The following FXN variants were observed in gnomAD, a reference collection of about 807,000 sequenced individuals.
FXN encodes frataxin, also known as frataxin, mitochondrial.
A neutral mutation model predicts 22.4 loss-of-function variants in FXN; 14 were observed. That is an observed-to-expected ratio of 0.62 (90% confidence interval 0.41 to 0.98). The LOEUF is 0.98. FXN is among the 50% of genes least tolerant of loss of function. The probability of loss-of-function intolerance (pLI) is 0.00; values close to 1 mark genes in which losing one functional copy is unlikely to be tolerated. For synonymous variants in FXN, 120 were observed against 114.1 expected (o/e 1.05, Z -0.33); for missense variants, 267 against 268.4 (o/e 0.99, Z 0.04).
At chr9:69,071,840 C>T (rs756843121) in intron 4 of FXN, among the ~76,000 whole-genome samples, 2 of 151,988 alleles carry the variant, frequency 1.3e-5, no homozygotes, top group Non-Finnish European at 2.9e-5. Context: ...TTCAACCAAC[C>T]GTGGATCAAA....
In FXN at chr9:69,074,662, G is replaced by A. The variant is rs949476432; in HGVS notation, c.*1900G>A. ...TACCTATAGTCCCAGCTGCACAGGA[G>A]GCTGAGACAGGAGGATTGCTTGAAG... On this transcript the variant is annotated 3_prime_UTR_variant, in exon 5 of 5. Transcript: ENST00000484259. 19 of 981,838 alleles carry A rather than the reference G, an allele frequency of 1.9e-5. No homozygotes were observed. Among genetic ancestry groups the A allele is most frequent in the Admixed American group, 6.1e-5 (1 of 16,286 alleles). The allele number at this position is 981,838 out of a possible 1,614,324, so 60.8% of individuals were successfully genotyped here.
intron 2 of FXN, among the ~76,000 whole-genome samples, chr9:69,049,589 T>C (rs1348738577): frequency 6.6e-6 from 1 of 152,168 alleles, no homozygotes; most frequent in East Asian, 1.9e-4. Flanking sequence ...TATTAATATA[T>C]CCTCACAGGG....
chr9:69,072,111 G>T (rs1832287029), intron 4 of FXN, among the ~76,000 whole-genome samples: 1 of 152,172 alleles, frequency 6.6e-6, no homozygotes, highest in Non-Finnish European at 1.5e-5. Context: ...CTCCTTTTGG[G>T]GTGATGCAGA....
intron 4 of FXN, 94 bp downstream of exon 4, chr9:69,065,129 A>G: frequency 2.2e-6 from 2 of 930,162 alleles, no homozygotes; most frequent in Admixed American, 3.8e-5. Context: ...GGCTGAGCAC[A>G]GTGGCTGACA....
At chr9:69,061,305 C>T (rs1431908693) in intron 3 of FXN, among the ~76,000 whole-genome samples, 1 of 152,146 alleles carries the variant, frequency 6.6e-6, no homozygotes, top group Non-Finnish European at 1.5e-5. Flanking sequence ...CTAGTTCTTG[C>T]CCTGAGTCCT....
chr9:69,039,720 C>T (rs545645425), intron 1 of FXN, among the ~76,000 whole-genome samples: 3 of 151,906 alleles, frequency 2.0e-5, no homozygotes, highest in Non-Finnish European at 4.4e-5. Context: ...TCTTAAATAC[C>T]GGAGACAGCT....
At chr9:69,066,651 C>G (rs567749798) in intron 4 of FXN, among the ~76,000 whole-genome samples, 3 of 152,088 alleles carry the variant, frequency 2.0e-5, no homozygotes, top group Admixed American at 6.5e-5. Flanking sequence ...TCAGCTCGGT[C>G]CAGCGATCAC....
At chr9:69,046,944 C>T (rs1831766928) in intron 2 of FXN, among the ~76,000 whole-genome samples, 1 of 152,172 alleles carries the variant, frequency 6.6e-6, no homozygotes, top group Non-Finnish European at 1.5e-5. Flanking sequence ...TCACCTTGTC[C>T]AAGTTCCATT....
chr9:69,036,171 G>T, intron 1 of FXN: 1 of 308,428 alleles, frequency 3.2e-6, no homozygotes, highest in Non-Finnish European at 5.6e-6. Flanking sequence ...AAGGAAAAGG[G>T]GACATTTTGT....
chr9:69,043,814 C>T (rs570284596), intron 1 of FXN, among the ~76,000 whole-genome samples: 1 of 152,250 alleles, frequency 6.6e-6, no homozygotes, highest in East Asian at 1.9e-4. Context: ...GAACTCCTGA[C>T]CTCAGGTGAT....
chr9:69,056,321 G>A (rs972257894), intron 3 of FXN, among the ~76,000 whole-genome samples: 6 of 152,336 alleles, frequency 3.9e-5, no homozygotes, highest in Middle Eastern at 3.4e-3. Flanking sequence ...GCTGAGAGGC[G>A]TAGCTAAGCA....
At chr9:69,047,350 GACACACACACACAC>G (rs148756619) in intron 2 of FXN, among the ~76,000 whole-genome samples, 3 of 144,174 alleles carry the variant, frequency 2.1e-5, no homozygotes, top group Non-Finnish European at 3.1e-5. Flanking sequence ...CACACACACA[GACACACACACACAC>G]ACACACACAC....
At position 69,076,197 on chromosome 9, in the gene FXN, G is replaced by A; in HGVS notation, c.*3435G>A. ...AAACTCTGCCTCTTACTTGTTTGTAGACACTGACAGTGGCCTCATGTTTTT... is the reference window on the plus strand; with the variant it reads ...AAACTCTGCCTCTTACTTGTTTGTAAACACTGACAGTGGCCTCATGTTTTT... On this transcript the variant is annotated 3_prime_UTR_variant, in exon 5 of 5. Coordinates refer to ENST00000484259, the MANE Select transcript of FXN (RefSeq NM_000144.5). The A allele has an allele frequency of 5.1e-6, 5 of 979,204 alleles. 1 individual carries two copies. The South Asian group carries it at 2.4e-4, about 47-fold the overall frequency. 60.7% of individuals were successfully genotyped at this position (979,204 alleles called of 1,614,324 possible).
In FXN at chr9:69,073,595, A is replaced by G; in HGVS notation, c.*833A>G. 1.0e-6 allele frequency: 1 copy of G among 985,368 alleles called. No homozygotes were observed. The highest frequency in any genetic ancestry group is 1.2e-6 in the Non-Finnish European group (1 of 829,944). 61.0% of individuals were successfully genotyped at this position (985,368 alleles called of 1,614,324 possible). A position where few individuals can be genotyped will look rare whatever the true frequency, so the allele number is the denominator to read the frequency against. The stretch of plus-strand genomic sequence containing the variant: ...GAAGGGGCAGATAAAGGAAGGAGAT[A>G]CTCATGTTGATAAAGAGAGCCCTGG... On this transcript the variant is annotated 3_prime_UTR_variant, in exon 5 of 5. Transcript: ENST00000484259.
chr9:69,044,541 T>C (rs909872671), intron 1 of FXN, among the ~76,000 whole-genome samples: 3 of 152,164 alleles, frequency 2.0e-5, no homozygotes, highest in African/African-American at 4.8e-5. Context: ...TCGCCTCTTC[T>C]CTCCATGGCA....
Position 69,072,715 on chromosome 9 carries a change from A to G in FXN, c.586A>G (p.Thr196Ala), listed in dbSNP as rs765980325. ...CGCAGAGCTCACTAAAGCCTTAAAAACCAAACTGGACTTGTCTTCCTTGGC... is the reference window on the plus strand; with the variant it reads ...CGCAGAGCTCACTAAAGCCTTAAAAGCCAAACTGGACTTGTCTTCCTTGGC... ...LAAELTKALK[T>A]KLDLSSLAYS... The change falls in exon 5 of 5, where the codon ACC becomes GCC. Residue 196 changes from threonine (T) to alanine (A), a missense_variant. Coordinates refer to ENST00000484259, the MANE Select transcript of FXN (RefSeq NM_000144.5). 1.2e-6 allele frequency: 2 copies of G among 1,614,124 alleles called. No individual in the cohort carries two copies. The highest frequency in any genetic ancestry group is 1.7e-6 in the Non-Finnish European group (2 of 1,180,020).
At position 69,074,199 on chromosome 9, in the gene FXN, AT is replaced by A. The variant is rs1832325728; in HGVS notation, c.*1438del. The stretch of plus-strand genomic sequence containing the variant: ...ACTCTGTCTCAAAATAATAATAACA[AT>A]ATAATAATAATAATAGCCATCCTTT... On this transcript the variant is annotated 3_prime_UTR_variant, in exon 5 of 5. Coordinates refer to ENST00000484259, the MANE Select transcript of FXN (RefSeq NM_000144.5). 5.8e-6 allele frequency: 5 copies of A among 861,386 alleles called. No homozygotes were observed. Among genetic ancestry groups the A allele is most frequent in the Non-Finnish European group, 6.8e-6 (5 of 738,688 alleles). The allele number at this position is 861,386 out of a possible 1,614,324, so 53.4% of individuals were successfully genotyped here.
At chr9:69,067,923 A>T (rs2133131303) in intron 4 of FXN, among the ~76,000 whole-genome samples, 1 of 152,322 alleles carries the variant, frequency 6.6e-6, no homozygotes, top group East Asian at 1.9e-4. Flanking sequence ...CCTAAGTCAG[A>T]ATAGAGTCAA....
intron 1 of FXN, among the ~76,000 whole-genome samples, chr9:69,039,286 ATTAC>A (rs1393740701): frequency 6.6e-6 from 1 of 151,920 alleles, no homozygotes; most frequent in Non-Finnish European, 1.5e-5. Flanking sequence ...TAATAACTTT[ATTAC>A]TTTATTATCA....
Sources: gnomAD v4.1 joint callset for allele counts (sites outside exome capture counted in the v4.1 genomes callset) on GRCh38, gnomAD v4.1.1 for gene constraint, MANE v1.5 for transcripts, NCBI Gene and HGNC (gene_info 2026-07-23, HGNC 2026-07-21) for gene names.